NCALD: variants seen among roughly 807,000 people sequenced by gnomAD.
The protein encoded by NCALD is neurocalcin-delta.
In NCALD, 10 loss-of-function variants were observed where a neutral mutation model predicts 18.6. The ratio of observed to expected loss-of-function variants is 0.54; its 90% CI spans 0.33 to 0.91. The LOEUF is 0.91. Ranked by LOEUF, NCALD falls within the 40% of genes least tolerant of loss-of-function variation. The pLI is 0.03. For missense variants in NCALD, 184 were observed against 247.6 expected (o/e 0.74, Z 1.72); for synonymous variants, 88 against 87.4 (o/e 1.01, Z -0.04).
intron 1 of NCALD, among the ~76,000 whole-genome samples, chr8:101,776,903 C>A (rs188119775): frequency 5.9e-5 from 9 of 152,242 alleles, no homozygotes; most frequent in African/African-American, 1.9e-4. Flanking sequence ...ACTCACTGAA[C>A]TGGCAAAGAT....
At chr8:101,972,962 G>A (rs1820295927) in intron 2 of NCALD, among the ~76,000 whole-genome samples, 1 of 152,146 alleles carries the variant, frequency 6.6e-6, no homozygotes, top group African/African-American at 2.4e-5. Flanking sequence ...ATGAGCCAGG[G>A]TGAAACAAAG....
chr8:101,747,468 G>C lies in NCALD; in HGVS notation c.-19-27820C>G, dbSNP rs146054215. Among the ~76,000 whole-genome samples the C allele has an allele frequency of 7.9e-3, 1,208 of 152,252 alleles. 9 individuals carry two copies. Among genetic ancestry groups the C allele is most frequent in the Middle Eastern group, 0.037 (11 of 294 alleles). On this transcript the variant is annotated intron_variant, in intron 1 of 3. Transcript: ENST00000220931. ...GAAGTGCCCCTGAGGCTGTGAGAAA[G>C]ACAGATAGAAAAATCATGATGATAT...
At chr8:101,706,317 T>TA (rs1261711377) in intron 2 of NCALD, among the ~76,000 whole-genome samples, 2,321 of 145,968 alleles carry the variant, frequency 0.016, 59 homozygotes, top group African/African-American at 0.053. Context: ...TAAGACTATT[T>TA]AAAAAAAAAA....
chr8:102,094,478 T>A (rs533695), intron 1 of NCALD, among the ~76,000 whole-genome samples: 70,422 of 152,010 alleles, frequency 0.46, 16,780 homozygotes, highest in Middle Eastern at 0.52. Context: ...TTTAAACACA[T>A]CTGCCTCCAC....
At chr8:101,849,038 G>A (rs562572517) in intron 4 of NCALD, among the ~76,000 whole-genome samples, 1 of 152,190 alleles carries the variant, frequency 6.6e-6, no homozygotes, top group Non-Finnish European at 1.5e-5. Flanking sequence ...AAAAAGGAAT[G>A]AGATTATGTC....
chr8:101,730,365 A>G (rs1357823859), intron 1 of NCALD, among the ~76,000 whole-genome samples: 3 of 151,044 alleles, frequency 2.0e-5, no homozygotes, highest in Non-Finnish European at 2.9e-5. Context: ...CTGTAGTCCC[A>G]GCTACTCGGG....
chr8:102,086,142 C>T (rs1372735471), intron 1 of NCALD, among the ~76,000 whole-genome samples: 1 of 152,162 alleles, frequency 6.6e-6, no homozygotes, highest in Admixed American at 6.5e-5. Context: ...AAAAAGCTAA[C>T]AATTCTCATA....
At chr8:101,930,430 C>A (rs573393325) in intron 2 of NCALD, among the ~76,000 whole-genome samples, 57 of 152,116 alleles carry the variant, frequency 3.7e-4, no homozygotes, top group South Asian at 1.2e-3. Flanking sequence ...TAGGCAAAAT[C>A]TCTTTATTTT....
At chr8:102,015,101 T>C (rs1038023745) in intron 2 of NCALD, among the ~76,000 whole-genome samples, 34 of 152,322 alleles carry the variant, frequency 2.2e-4, no homozygotes, top group African/African-American at 5.3e-4. Context: ...TCTCGACCCA[T>C]AGACATCAGT....
At chr8:101,872,622 T>C (rs1345053811) in intron 4 of NCALD, 5 of 475,252 alleles carry the variant, frequency 1.1e-5, no homozygotes, top group African/African-American at 9.8e-5. Flanking sequence ...CAATTTAAAT[T>C]TGGCTGACCC....
chr8:101,859,612 A>T (rs888489046), intron 4 of NCALD, among the ~76,000 whole-genome samples: 9 of 152,212 alleles, frequency 5.9e-5, no homozygotes, highest in Non-Finnish European at 8.8e-5. Flanking sequence ...AACGTATGAT[A>T]GCAGAGATTT....
chr8:101,821,000 T>C (rs1042270118), intron 4 of NCALD, among the ~76,000 whole-genome samples: 11 of 152,140 alleles, frequency 7.2e-5, no homozygotes, highest in Non-Finnish European at 1.6e-4. Flanking sequence ...TTCCAAAGAA[T>C]TGTTCTTCAA....
At chr8:101,940,900 G>GC (rs1342295171) in intron 2 of NCALD, among the ~76,000 whole-genome samples, 3 of 152,122 alleles carry the variant, frequency 2.0e-5, no homozygotes, top group African/African-American at 7.2e-5. Context: ...AGGACCTTGA[G>GC]TTGATAGAAC....
chr8:101,833,091 T>C lies in NCALD; in HGVS notation c.-20+54050A>G, dbSNP rs1427467792. 1.3e-5 allele frequency among the ~76,000 whole-genome samples: 2 copies of C among 152,202 alleles called. 1 individual carries two copies. The highest frequency in any genetic ancestry group is 2.9e-5 in the Non-Finnish European group (2 of 68,032). ...GCTTGCTTTTAAGGTGTCGCCCTTC[T>C]TCCTGAGCCACAGCTTCCCCTTCTG... On this transcript the variant is annotated intron_variant, in intron 4 of 6. Coordinates refer to the NCALD transcript ENST00000311028.
chr8:102,035,467 A>C (rs1822830305), intron 1 of NCALD, among the ~76,000 whole-genome samples: 1 of 152,176 alleles, frequency 6.6e-6, no homozygotes, highest in Admixed American at 6.5e-5. Context: ...AGAAAACACA[A>C]AGAATATCAA....
intron 1 of NCALD, among the ~76,000 whole-genome samples, chr8:101,761,366 C>G (rs1272013601): frequency 1.3e-5 from 2 of 152,178 alleles, no homozygotes; most frequent in Non-Finnish European, 2.9e-5. Context: ...ACTACAGCAG[C>G]CTCCCCCAGC....
chr8:102,001,984 C>A (rs1289160997), intron 2 of NCALD, among the ~76,000 whole-genome samples: 1 of 152,130 alleles, frequency 6.6e-6, no homozygotes, highest in East Asian at 1.9e-4. Flanking sequence ...AGCAAAATAA[C>A]CAGCTAACAT....
At chr8:101,948,606 G>C (rs1447421149) in intron 2 of NCALD, among the ~76,000 whole-genome samples, 2 of 152,170 alleles carry the variant, frequency 1.3e-5, no homozygotes, top group African/African-American at 2.4e-5. Context: ...CTCAGGGAGA[G>C]GGTACTGAGA....
At chr8:102,081,575 AAC>A (rs1491578183) in intron 1 of NCALD, among the ~76,000 whole-genome samples, 2,057 of 50,958 alleles carry the variant, frequency 0.04, 72 homozygotes, top group African/African-American at 0.15. Context: ...AAAAAAAAAA[AAC>A]CCCAAAAAAA....
Sources: gnomAD v4.1 joint callset for allele counts (sites outside exome capture counted in the v4.1 genomes callset) on GRCh38, gnomAD v4.1.1 for gene constraint, MANE v1.5 for transcripts, NCBI Gene and HGNC (gene_info 2026-07-23, HGNC 2026-07-21) for gene names.